Variants in SH3GL3 observed in about 807,000 individuals in gnomAD.
The protein encoded by SH3GL3 is endophilin-A3.
A neutral mutation model predicts 47.7 loss-of-function variants in SH3GL3; 33 were observed. That is an observed-to-expected ratio of 0.69 (90% CI 0.52 to 0.92). The LOEUF (loss-of-function observed/expected upper bound fraction) is 0.92. Ranked by LOEUF, SH3GL3 falls within the 40% of genes least tolerant of loss-of-function variation. SH3GL3 has a pLI of 0.00. For missense variants in SH3GL3, 363 were observed against 417.8 expected (o/e 0.87, Z 1.14); for synonymous variants, 155 against 148.8 (o/e 1.04, Z -0.30).
chr15:83,621,461 A>T (rs1309835014), downstream of SH3GL3, among the ~76,000 whole-genome samples: 3 of 152,166 alleles, frequency 2.0e-5, no homozygotes, highest in Non-Finnish European at 4.4e-5. Flanking sequence ...AGCAGTCAAA[A>T]CACACACAAC....
At position 83,478,112 on chromosome 15, in the gene SH3GL3, C is replaced by G. The variant is rs377458202; in HGVS notation, c.45+30534C>G. ...GACAGTGAGGGCCAGTTCATTAAAC[C>G]GAAAGCTGAAGGGACAGGGTCTAGT... On this transcript the variant is annotated intron_variant, in intron 1 of 8. Coordinates refer to ENST00000427482, the MANE Select transcript of SH3GL3 (RefSeq NM_003027.5). 1.2e-4 allele frequency among the ~76,000 whole-genome samples: 18 copies of G among 152,152 alleles called. No individual in the cohort carries two copies. In the East Asian group the frequency reaches 1.7e-3, roughly 15 times the overall value.
chr15:83,472,964 G>T (rs2040899185), intron 1 of SH3GL3, among the ~76,000 whole-genome samples: 1 of 152,146 alleles, frequency 6.6e-6, no homozygotes, highest in African/African-American at 2.4e-5. Context: ...GGGAGCGAGA[G>T]TTCCGGCCAT....
intron 1 of SH3GL3, among the ~76,000 whole-genome samples, chr15:83,544,385 A>G (rs947364888): frequency 1.3e-5 from 2 of 151,892 alleles, no homozygotes; most frequent in African/African-American, 4.8e-5. Flanking sequence ...GATATGGTTT[A>G]TCCTTGAGAA....
At chr15:83,471,280 T>C (rs1319458210) in intron 1 of SH3GL3, among the ~76,000 whole-genome samples, 1 of 152,248 alleles carries the variant, frequency 6.6e-6, no homozygotes, top group Non-Finnish European at 1.5e-5. Flanking sequence ...GGGTTGATGG[T>C]TCTTTTCTTT....
intron 8 of SH3GL3, among the ~76,000 whole-genome samples, chr15:83,594,139 G>A (rs569679637): frequency 6.6e-6 from 1 of 152,332 alleles, no homozygotes; most frequent in East Asian, 1.9e-4. Context: ...TTAAAAATCA[G>A]ATTGAGAGAG....
At position 83,448,635 on chromosome 15, in the gene SH3GL3, C is replaced by A. The variant is rs1171253886; in HGVS notation, c.45+1057C>A. On this transcript the variant is annotated intron_variant, in intron 1 of 8. Coordinates refer to ENST00000427482, the MANE Select transcript of SH3GL3 (RefSeq NM_003027.5). The surrounding 1 kb of genome is among the most constrained non-coding windows in gnomAD (Gnocchi z 4.2). ...AACCCCAGCCCCCATTTTGCTAGAGCCAGGGTAGACAGATTTCATTCAACG... is the reference window on the plus strand; with the variant it reads ...AACCCCAGCCCCCATTTTGCTAGAGACAGGGTAGACAGATTTCATTCAACG... Among the ~76,000 whole-genome samples the A allele has an allele frequency of 6.6e-6, 1 of 152,112 alleles. No homozygotes were observed. The highest frequency in any genetic ancestry group is 2.4e-5 in the African/African-American group (1 of 41,414).
chr15:83,518,682 TG>T (rs2151646242), intron 1 of SH3GL3, among the ~76,000 whole-genome samples: 1 of 152,340 alleles, frequency 6.6e-6, no homozygotes, highest in Non-Finnish European at 1.5e-5. Context: ...TCTCCCATTC[TG>T]TGGAGTGTCT....
chr15:83,623,556 G>T (rs988389296), downstream of SH3GL3, among the ~76,000 whole-genome samples: 1 of 152,200 alleles, frequency 6.6e-6, no homozygotes, highest in Non-Finnish European at 1.5e-5. Context: ...CACAGGCTGG[G>T]CCTGCTACCA....
intron 1 of SH3GL3, among the ~76,000 whole-genome samples, chr15:83,521,500 G>A (rs548723652): frequency 2.0e-5 from 3 of 152,230 alleles, no homozygotes; most frequent in South Asian, 2.1e-4. Context: ...ATACCACAGC[G>A]CTCCTGCTTT....
Position 83,618,514 on chromosome 15 carries a change from T to C in SH3GL3, c.*227T>C, listed in dbSNP as rs994558403. 2.0e-6 allele frequency: 1 copy of C among 504,524 alleles called. No individual in the cohort carries two copies. Among genetic ancestry groups the C allele is most frequent in the East Asian group, 3.3e-5 (1 of 30,166 alleles). The allele number at this position is 504,524 out of a possible 1,614,324, so 31.3% of individuals were successfully genotyped here. On this transcript the variant is annotated 3_prime_UTR_variant, in exon 9 of 9. Transcript: ENST00000427482. ...TTTTTGCTTCCTGTCCTAAAAGTCA[T>C]TGGTTAAATGTATTTGCTTCCTGTG...
chr15:83,554,692 C>T (rs374586826), intron 1 of SH3GL3, among the ~76,000 whole-genome samples: 3 of 152,176 alleles, frequency 2.0e-5, no homozygotes. Flanking sequence ...CGTGCCTAGC[C>T]GATTTCTTCT....
At chr15:83,537,114 C>T (rs996066582) in intron 1 of SH3GL3, among the ~76,000 whole-genome samples, 1 of 152,052 alleles carries the variant, frequency 6.6e-6, no homozygotes, top group Non-Finnish European at 1.5e-5. Context: ...GGGTCAGTGG[C>T]CAAGGGGGAC....
intron 5 of SH3GL3, among the ~76,000 whole-genome samples, chr15:83,575,504 G>A (rs1057497002): frequency 2.0e-5 from 3 of 152,242 alleles, no homozygotes; most frequent in Admixed American, 6.5e-5. Flanking sequence ...AAGAGTCCAA[G>A]GTTTAGGAAG....
At chr15:83,576,948 C>T (rs1384351810) in intron 6 of SH3GL3, among the ~76,000 whole-genome samples, 2 of 9,624 alleles carry the variant, frequency 2.1e-4, no homozygotes, top group South Asian at 1.1e-3. Context: ...GACGCTGTCT[C>T]GCTCTGTCAC....
intron 1 of SH3GL3, among the ~76,000 whole-genome samples, chr15:83,496,604 G>T (rs756620932): frequency 6.6e-6 from 1 of 152,014 alleles, no homozygotes; most frequent in Non-Finnish European, 1.5e-5. Flanking sequence ...ACGCTGAAGG[G>T]TCCTTCTTTT....
At chr15:83,571,233 T>C (rs750795285) in intron 4 of SH3GL3, among the ~76,000 whole-genome samples, 1 of 152,164 alleles carries the variant, frequency 6.6e-6, no homozygotes, top group Non-Finnish European at 1.5e-5. Context: ...TGGCGGCCCA[T>C]GTTCAGAGCA....
intron 6 of SH3GL3, among the ~76,000 whole-genome samples, chr15:83,585,541 G>T (rs1191664337): frequency 6.6e-6 from 1 of 152,216 alleles, no homozygotes; most frequent in African/African-American, 2.4e-5. Context: ...CTGTAAGGAA[G>T]AAAAATTGTT....
At chr15:83,611,386 C>T (rs1215515763) in intron 8 of SH3GL3, 2 of 151,988 alleles carry the variant, frequency 1.3e-5, no homozygotes, top group Non-Finnish European at 2.9e-5. Flanking sequence ...CTGTGTTTTC[C>T]CACCTCTGCT....
At chr15:83,585,548 T>G (rs901024509) in intron 6 of SH3GL3, among the ~76,000 whole-genome samples, 1 of 152,184 alleles carries the variant, frequency 6.6e-6, no homozygotes, top group Non-Finnish European at 1.5e-5. Context: ...GAAGAAAAAT[T>G]GTTTCTGTAA....
Sources: gnomAD v4.1 joint callset for allele counts (sites outside exome capture counted in the v4.1 genomes callset) on GRCh38, gnomAD v4.1.1 for gene constraint, Gnocchi (gnomAD v3.1) non-coding constraint, MANE v1.5 for transcripts, NCBI Gene and HGNC (gene_info 2026-07-23, HGNC 2026-07-21) for gene names.